UGT2A1: variants seen among roughly 807,000 people sequenced by gnomAD.
UGT2A1 encodes UDP glucuronosyltransferase family 2 member A1 complex locus.
A neutral mutation model predicts 45.4 loss-of-function variants in UGT2A1; 61 were observed. The ratio of observed to expected loss-of-function variants is 1.34; its 90% CI spans 1.09 to 1.66. The LOEUF is 1.66. UGT2A1 is among the 40% of genes most tolerant of loss of function. The pLI is 0.00. For missense variants in UGT2A1, 649 were observed against 574.3 expected, an observed-to-expected ratio of 1.13 and a Z score of -1.33; for synonymous variants, 229 against 196.2, an observed-to-expected ratio of 1.17 and a Z score of -1.40.
intron 2 of UGT2A1, chr4:69,638,951 A>G (rs1560493471): frequency 1.2e-6 from 2 of 1,612,496 alleles, no homozygotes; most frequent in African/African-American, 1.3e-5. Context: ...ACTGAAATAT[A>G]TAGTCTTGCA....
chr4:69,596,846 C>T (rs987115917), intron 4 of UGT2A1, among the ~76,000 whole-genome samples: 1 of 152,186 alleles, frequency 6.6e-6, no homozygotes, highest in Admixed American at 6.5e-5. Flanking sequence ...TAAGAGGAAA[C>T]ACGTCTCTGA....
At chr4:69,610,353 T>C (rs1480787466) in intron 3 of UGT2A1, among the ~76,000 whole-genome samples, 1 of 152,116 alleles carries the variant, frequency 6.6e-6, no homozygotes, top group Admixed American at 6.6e-5. Flanking sequence ...TGGGGCAGGG[T>C]ACAAATCATT....
At chr4:69,617,880 C>A (rs1577974523) in intron 3 of UGT2A1, among the ~76,000 whole-genome samples, 1 of 151,604 alleles carries the variant, frequency 6.6e-6, no homozygotes, top group Non-Finnish European at 1.5e-5. Context: ...TACTTAGTTT[C>A]CTGAGGAAGA....
At chr4:69,592,526 T>G (rs1231457634) in intron 6 of UGT2A1, among the ~76,000 whole-genome samples, 1 of 152,122 alleles carries the variant, frequency 6.6e-6, no homozygotes, top group Non-Finnish European at 1.5e-5. Context: ...GATAAGGAGA[T>G]AGGTGAGCTG....
chr4:69,599,344 T>A lies in UGT2A1; in HGVS notation c.898A>T (p.Ile300Phe). The A allele has an allele frequency of 6.2e-7, 1 of 1,613,840 alleles. No homozygotes were observed. The highest frequency in any genetic ancestry group is 8.5e-7 in the Non-Finnish European group (1 of 1,179,916). Reference sequence around the variant, plus strand: ...AATTCAAAATCCCAATATGTTCGGATTAACCAAATTTCAGCTTTCCCCATA... The same window carrying A: ...AATTCAAAATCCCAATATGTTCGGAATAACCAAATTTCAGCTTTCCCCATA... The part of the protein sequence containing the change: ...ETMGKAEIWL[I>F]RTYWDFEFPR... The change falls in exon 4 of 7, where the codon ATC (isoleucine) becomes TTC (phenylalanine). Residue 300 changes from isoleucine to phenylalanine, a missense_variant. Physicochemically the swap from Ile to Phe is conservative, Grantham distance 21. Coordinates refer to ENST00000286604, the MANE Select transcript of UGT2A1 (RefSeq NM_001252275.3).
At chr4:69,596,418 G>T in intron 4 of UGT2A1, 1 of 1,457,196 alleles carries the variant, frequency 6.9e-7, no homozygotes, top group Non-Finnish European at 9.1e-7. Flanking sequence ...CAAAGGTGTA[G>T]CATCATAAGA....
intron 3 of UGT2A1, among the ~76,000 whole-genome samples, chr4:69,618,310 T>G (rs548169889): frequency 3.3e-5 from 5 of 149,852 alleles, no homozygotes; most frequent in Non-Finnish European, 5.9e-5. Flanking sequence ...AAAATGTTTT[T>G]GGGGCATTAA....
At chr4:69,646,621 G>C (rs1722271051) in intron 2 of UGT2A1, among the ~76,000 whole-genome samples, 1 of 151,678 alleles carries the variant, frequency 6.6e-6, no homozygotes, top group Non-Finnish European at 1.5e-5. Context: ...GCAGTTTCTA[G>C]GCAATTTCTA....
chr4:69,635,698 C>T lies in UGT2A1; in HGVS notation c.840G>A (p.Leu280=). 3.5e-6 allele frequency: 1 copy of T among 284,868 alleles called. No homozygotes were observed. 17.6% of individuals were successfully genotyped at this position (284,868 alleles called of 1,614,324 possible). Reference sequence around the variant, plus strand: ...TACAAAAATTAGCCTGACCTGCTGGCAGCCTGTAATCCCAACTACAATGGA... The same window carrying T: ...TACAAAAATTAGCCTGACCTGCTGGTAGCCTGTAATCCCAACTACAATGGA... ...LSLHCSWDYR[L]PAGRPTTLCE... The change falls in exon 3 of 7, where the codon CTG becomes CTA. Residue 280 remains leucine, a synonymous_variant. Coordinates refer to ENST00000286604, the MANE Select transcript of UGT2A1 (RefSeq NM_001252275.3).
At chr4:69,627,966 T>G (rs1191498332) in intron 3 of UGT2A1, among the ~76,000 whole-genome samples, 1 of 151,986 alleles carries the variant, frequency 6.6e-6, no homozygotes. Context: ...ATTCCACAGA[T>G]TGCCTTTTAA....
intron 3 of UGT2A1, among the ~76,000 whole-genome samples, chr4:69,620,966 T>G (rs569285473): frequency 3.4e-4 from 52 of 152,168 alleles, no homozygotes; most frequent in African/African-American, 1.2e-3. Flanking sequence ...ATACCAAAAC[T>G]GGACCCCTTT....
At chr4:69,631,652 G>A (rs566282057) in intron 3 of UGT2A1, among the ~76,000 whole-genome samples, 22 of 152,266 alleles carry the variant, frequency 1.4e-4, no homozygotes, top group African/African-American at 4.6e-4. Context: ...AGCAAGGAGA[G>A]GAGTGTGTAC....
At chr4:69,641,438 G>A (rs17147542) in intron 2 of UGT2A1, among the ~76,000 whole-genome samples, 4 of 151,324 alleles carry the variant, frequency 2.6e-5, no homozygotes, top group Non-Finnish European at 4.4e-5. Context: ...CTTCTCTTCC[G>A]AAGTGCTCCC....
intron 3 of UGT2A1, among the ~76,000 whole-genome samples, chr4:69,613,693 T>C (rs12644575): frequency 0.14 from 21,524 of 152,030 alleles, 1,715 homozygotes; most frequent in Non-Finnish European, 0.18. Flanking sequence ...ATAAATGTGA[T>C]ACATCTTATC....
chr4:69,623,434 A>G (rs58395328), intron 3 of UGT2A1, among the ~76,000 whole-genome samples: 41,318 of 151,662 alleles, frequency 0.27, 5,882 homozygotes, highest in South Asian at 0.32. Flanking sequence ...GGGAAAAGAC[A>G]AAAGCCAATA....
chr4:69,642,945 T>G (rs975749382), intron 2 of UGT2A1, among the ~76,000 whole-genome samples: 4 of 148,686 alleles, frequency 2.7e-5, no homozygotes, highest in Admixed American at 6.7e-5. Flanking sequence ...AGTTTTGGTG[T>G]TTTTTTTTAA....
chr4:69,593,489 G>T (rs1486166553), intron 6 of UGT2A1, among the ~76,000 whole-genome samples: 1 of 151,128 alleles, frequency 6.6e-6, no homozygotes. Context: ...ACTTTGGTGA[G>T]ATCTTTCAGA....
rs183637080 is a variant in UGT2A1 at position 69,593,909 on chromosome 4, G to T, written c.1304+568C>A. ...TAAGCAGATTATCCAGAAAAAATGAGAATTTATATAATCATAGCATTCTTT... is the reference window on the plus strand; with the variant it reads ...TAAGCAGATTATCCAGAAAAAATGATAATTTATATAATCATAGCATTCTTT... On this transcript the variant is annotated intron_variant, in intron 6 of 6. Transcript: ENST00000286604. Among the ~76,000 whole-genome samples, 4 of 148,636 alleles carry T rather than the reference G, an allele frequency of 2.7e-5. No homozygotes were observed. In the East Asian group the frequency reaches 8.1e-4, roughly 30 times the overall value.
At chr4:69,601,861 C>T (rs1330533967) in intron 3 of UGT2A1, among the ~76,000 whole-genome samples, 5 of 136,412 alleles carry the variant, frequency 3.7e-5, no homozygotes, top group Admixed American at 7.2e-5. Context: ...AGCAGCAGCA[C>T]TCATAGTAGT....
Sources: allele counts gnomAD v4.1 joint callset (sites outside exome capture counted in the v4.1 genomes callset), GRCh38; gene constraint gnomAD v4.1.1; transcripts MANE v1.5; gene names NCBI Gene and HGNC (gene_info 2026-07-23, HGNC 2026-07-21).